Variants in ARFGEF2 observed in about 807,000 individuals in gnomAD.
ARFGEF2 encodes the protein brefeldin A-inhibited guanine nucleotide-exchange protein 2.
A neutral mutation model predicts 219.9 loss-of-function variants in ARFGEF2; 74 were observed. That is an observed-to-expected ratio of 0.34 (90% CI 0.28 to 0.41). The LOEUF (loss-of-function observed/expected upper bound fraction) is 0.41, where lower values mean the gene tolerates loss of function less well. Among genes scored for constraint, ARFGEF2 ranks in the 10% least tolerant of loss-of-function variants. The probability of loss-of-function intolerance (pLI) is 1.00; values close to 1 mark genes in which losing one functional copy is unlikely to be tolerated. For synonymous variants in ARFGEF2, 733 were observed against 799.2 expected (o/e 0.92, Z 1.40); for missense variants, 1,743 against 2,218.3 (o/e 0.79, Z 4.30).
intron 1 of ARFGEF2, among the ~76,000 whole-genome samples, chr20:48,939,766 C>T (rs149796433): frequency 4.7e-4 from 72 of 152,304 alleles, no homozygotes; most frequent in African/African-American, 1.7e-3. Flanking sequence ...TTAGAAATTG[C>T]TACTTCCAGT....
intron 6 of ARFGEF2, among the ~76,000 whole-genome samples, chr20:48,962,508 G>A (rs1018419462): frequency 2.6e-5 from 4 of 152,162 alleles, no homozygotes; most frequent in African/African-American, 9.7e-5. Flanking sequence ...TAATATTATA[G>A]TGGTGCATGA....
Position 49,005,151 on chromosome 20 carries a change from G to T in ARFGEF2, c.3514G>T (p.Gly1172Cys). The T allele has an allele frequency of 6.2e-7, 1 of 1,614,130 alleles. No homozygotes were observed. The highest frequency in any genetic ancestry group is 8.5e-7 in the Non-Finnish European group (1 of 1,180,018). ...ACTCTCCATGAAGTTTCTTGAGAAG[G>T]GTGAATTAGCCAACTTCCGTTTCCA... ...RQLSMKFLEK[G>C]ELANFRFQKD... Residue 1172 changes from glycine to cysteine, a missense_variant, in exon 26 of 39, where the codon GGT becomes TGT. By Grantham distance (159) the Gly-to-Cys change is radical. This residue lies in a region of ARFGEF2 where 102 missense variants were observed against 146.8 expected (regional missense o/e 0.69). Coordinates refer to ENST00000371917, the MANE Select transcript of ARFGEF2 (RefSeq NM_006420.3).
In ARFGEF2 at chr20:49,035,993, GAAA is replaced by G. The variant is rs397957165; in HGVS notation, c.*2804_*2806del. On this transcript the variant is annotated 3_prime_UTR_variant, in exon 39 of 39. Transcript: ENST00000371917. ...CTGGCAGGTGACTTTTGTACGAAAT[GAAA>G]AAAAAAAAACCTGTATTTTTTTTGT... 5.8e-5 allele frequency: 20 copies of G among 345,380 alleles called. No individual in the cohort carries two copies. Among genetic ancestry groups the G allele is most frequent in the Non-Finnish European group, 8.7e-5 (17 of 195,720 alleles). 21.4% of individuals were successfully genotyped at this position (345,380 alleles called of 1,614,324 possible).
intron 3 of ARFGEF2, among the ~76,000 whole-genome samples, chr20:48,945,229 A>G (rs1435853662): frequency 6.6e-6 from 1 of 152,208 alleles, no homozygotes; most frequent in Non-Finnish European, 1.5e-5. Flanking sequence ...TTAGGGGGAC[A>G]CAAACTTTCA....
chr20:49,032,250 T>C (rs1260254093), intron 38 of ARFGEF2, 84 bp downstream of exon 38: 5 of 952,558 alleles, frequency 5.2e-6, no homozygotes, highest in Admixed American at 1.7e-5. Flanking sequence ...CAGTAACTAT[T>C]TTCTCAGTTC....
chr20:48,939,050 C>T (rs1359452080), intron 1 of ARFGEF2, among the ~76,000 whole-genome samples: 1 of 150,522 alleles, frequency 6.6e-6, no homozygotes, highest in African/African-American at 2.4e-5. Context: ...TCTCGGCTCA[C>T]TGCAATTACT....
chr20:48,984,957 G>A, intron 15 of ARFGEF2, 117 bp downstream of exon 15: 1 of 1,556,786 alleles, frequency 6.4e-7, no homozygotes, highest in Non-Finnish European at 8.7e-7. Context: ...TCCACCCCCG[G>A]GTTATACATT....
In ARFGEF2 at chr20:49,025,498, G is replaced by C. The variant is rs2091596720; in HGVS notation, c.4924+17G>C. The C allele has an allele frequency of 6.2e-7, 1 of 1,613,548 alleles. No homozygotes were observed. Among genetic ancestry groups the C allele is most frequent in the Middle Eastern group, 1.7e-4 (1 of 5,764 alleles). On this transcript the variant is annotated intron_variant, in intron 36 of 38. Transcript: ENST00000371917. ...GGCGAGCAGGTAAGGCCACACAGCA[G>C]ATAAGATAGATGGCCACACTGGTCA... is the stretch of plus-strand genomic sequence containing the variant.
chr20:49,003,242 A>T (rs558026163), intron 25 of ARFGEF2, among the ~76,000 whole-genome samples: 1 of 151,200 alleles, frequency 6.6e-6, no homozygotes, highest in Admixed American at 6.6e-5. Flanking sequence ...TGCTGGGATT[A>T]CAAGTGTGAG....
chr20:48,953,801 A>G lies in ARFGEF2; in HGVS notation c.838+11A>G. 1 of 1,611,816 alleles carries G rather than the reference A, an allele frequency of 6.2e-7. No homozygotes were observed. The highest frequency in any genetic ancestry group is 8.5e-7 in the Non-Finnish European group (1 of 1,178,452). On this transcript the variant is annotated intron_variant, in intron 6 of 38. Transcript: ENST00000371917. ...GCTCATCACTGTCAGGTACGGGCTG[A>G]TACGGTATGGCTCTTTTTCCAAGTG...
chr20:48,925,204 G>A (rs11696295), intron 1 of ARFGEF2, among the ~76,000 whole-genome samples: 119 of 152,240 alleles, frequency 7.8e-4, no homozygotes, highest in Non-Finnish European at 1.4e-3. Context: ...TGATTCGTCC[G>A]CACTATACAC....
intron 30 of ARFGEF2, among the ~76,000 whole-genome samples, chr20:49,015,053 A>T (rs1600547292): frequency 6.6e-6 from 1 of 152,316 alleles, no homozygotes; most frequent in South Asian, 2.1e-4. Flanking sequence ...TAAACTTAAT[A>T]CATGAGTATT....
chr20:49,017,483 T>TCGG lies in ARFGEF2; in HGVS notation c.4455-13_4455-12insCGG. The TCGG allele has an allele frequency of 6.2e-7, 1 of 1,613,368 alleles. No homozygotes were observed. Among genetic ancestry groups the TCGG allele is most frequent in the Non-Finnish European group, 8.5e-7 (1 of 1,179,642 alleles). Reference sequence around the variant, plus strand: ...TCACATTGATTATTTTTTTTCTCTATTTTTTTCTTCAGTTTGCTGACATGG... The same window carrying TCGG: ...TCACATTGATTATTTTTTTTCTCTATCGGTTTTTTCTTCAGTTTGCTGACATGG... On this transcript the variant is annotated splice_polypyrimidine_tract_variant and intron_variant, in intron 32 of 38. Coordinates refer to ENST00000371917, the MANE Select transcript of ARFGEF2 (RefSeq NM_006420.3).
rs557627852 is a variant in ARFGEF2 at position 48,998,057 on chromosome 20, A to C, written c.3222-136A>C. 23 of 765,476 alleles carry C rather than the reference A, an allele frequency of 3.0e-5. No individual in the cohort carries two copies. In the East Asian group the frequency reaches 5.7e-4, roughly 19 times the overall value. 47.4% of individuals were successfully genotyped at this position (765,476 alleles called of 1,614,324 possible). ...TATTTTTTATTAGAGACAAGGTTTC[A>C]CCATGTTGGCCAGGCTGGTTTTGAA... On this transcript the variant is annotated intron_variant, in intron 23 of 38. Coordinates refer to ENST00000371917, the MANE Select transcript of ARFGEF2 (RefSeq NM_006420.3).
At chr20:49,027,619 C>T (rs1445250198) in intron 36 of ARFGEF2, among the ~76,000 whole-genome samples, 1 of 151,960 alleles carries the variant, frequency 6.6e-6, no homozygotes, top group Non-Finnish European at 1.5e-5. Context: ...TAACTTGAGC[C>T]TGGGAGGTCG....
chr20:48,973,907 C>T (rs1473967157), intron 12 of ARFGEF2, among the ~76,000 whole-genome samples: 1 of 152,082 alleles, frequency 6.6e-6, no homozygotes, highest in African/African-American at 2.4e-5. Flanking sequence ...AGATGATCTG[C>T]AACTCATATT....
At chr20:49,018,695 A>G (rs1194790084) in intron 33 of ARFGEF2, among the ~76,000 whole-genome samples, 189 bp from the exon 34 acceptor site, 1 of 152,232 alleles carries the variant, frequency 6.6e-6, no homozygotes, top group Non-Finnish European at 1.5e-5. Flanking sequence ...GAGGAGAAGT[A>G]ATTTAAATTC....
In ARFGEF2 at chr20:49,011,971, G is replaced by T; in HGVS notation, c.3805G>T (p.Asp1269Tyr). Reference sequence around the variant, plus strand: ...TCCTGCAGCCATCGATTCCTTTCAGGATGCTGTGAAGTGCTTATCAGAGTT... The same window carrying T: ...TCCTGCAGCCATCGATTCCTTTCAGTATGCTGTGAAGTGCTTATCAGAGTT... ...HFPAAIDSFQ[D>Y]AVKCLSEFAC... The change falls in exon 28 of 39, where the codon GAT becomes TAT. Residue 1269 changes from aspartate to tyrosine, a missense_variant. Asp to Tyr is a radical substitution (Grantham distance 160). Around this residue, in one of 5 missense-constraint regions of ARFGEF2, gnomAD observed 578 missense variants for 664.0 expected, o/e 0.87. Coordinates refer to ENST00000371917, the MANE Select transcript of ARFGEF2 (RefSeq NM_006420.3). 2 of 1,614,134 alleles carry T rather than the reference G, an allele frequency of 1.2e-6. No individual in the cohort carries two copies. The highest frequency in any genetic ancestry group is 1.7e-6 in the Non-Finnish European group (2 of 1,180,040).
In ARFGEF2 at chr20:49,010,402, T is replaced by TCAGTAAGTGG. The variant is rs2091490933; in HGVS notation, c.3757_3757+9dup. 1 of 1,613,628 alleles carries TCAGTAAGTGG rather than the reference T, an allele frequency of 6.2e-7. No homozygotes were observed. Among genetic ancestry groups the TCAGTAAGTGG allele is most frequent in the Non-Finnish European group, 8.5e-7 (1 of 1,180,042 alleles). ...GCCTTCCAGACCACTTGCCACATTG[T>TCAGTAAGTGG]CAGTAAGTGGCTCTGTTCCCTCCCT... On this transcript the variant is annotated frameshift_variant and splice_region_variant, in exon 27 of 39. Coordinates refer to ENST00000371917, the MANE Select transcript of ARFGEF2 (RefSeq NM_006420.3). LOFTEE classifies it high-confidence loss of function.
Sources: allele counts gnomAD v4.1 joint callset (sites outside exome capture counted in the v4.1 genomes callset), GRCh38; gene constraint gnomAD v4.1.1; regional missense constraint gnomAD v4.1.1; transcripts MANE v1.5; gene names NCBI Gene and HGNC (gene_info 2026-07-23, HGNC 2026-07-21).